The following OLFML2A variants were observed in gnomAD, a reference collection of about 807,000 sequenced individuals.
OLFML2A encodes olfactomedin like 2A.
A neutral mutation model predicts 60.9 loss-of-function variants in OLFML2A; 47 were observed. That is an observed-to-expected ratio of 0.77 (90% CI 0.61 to 0.98). OLFML2A has a LOEUF of 0.98. OLFML2A is among the 50% of genes least tolerant of loss of function. The pLI, the probability that OLFML2A is intolerant of heterozygous loss-of-function variation, is 0.00. For synonymous variants in OLFML2A, 372 were observed against 375.0 expected (o/e 0.99, Z 0.09); for missense variants, 922 against 879.8 (o/e 1.05, Z -0.61).
Position 124,804,702 on chromosome 9 carries a change from C to T in OLFML2A, c.1168+360C>T, listed in dbSNP as rs573176242. 7.0e-4 allele frequency among the ~76,000 whole-genome samples: 106 copies of T among 151,444 alleles called. 1 individual carries two copies. The highest frequency in any genetic ancestry group is 2.3e-3 in the African/African-American group (95 of 41,306). On this transcript the variant is annotated intron_variant, in intron 6 of 7. Coordinates refer to ENST00000373580, the MANE Select transcript of OLFML2A (RefSeq NM_182487.4). ...TTGTGCCACTGCACTCCAGCCTGGGCGAAAGAAATTTTTTTTTTTTCTTTT... is the reference window on the plus strand; with the variant it reads ...TTGTGCCACTGCACTCCAGCCTGGGTGAAAGAAATTTTTTTTTTTTCTTTT...
chr9:124,804,048 C>T, intron 5 of OLFML2A, 46 bp from the exon 6 acceptor site: 1 of 1,598,420 alleles, frequency 6.3e-7, no homozygotes. Flanking sequence ...ACCCACACGG[C>T]AGCAGGTGGT....
intron 4 of OLFML2A, among the ~76,000 whole-genome samples, chr9:124,800,328 TGAA>T (rs1225592290): frequency 3.3e-5 from 5 of 152,220 alleles, no homozygotes; most frequent in African/African-American, 1.2e-4. Context: ...GGTGAGTGGC[TGAA>T]GAAGGGAGCT....
rs542998592 is a variant in OLFML2A, at chr9:124,801,228, T to C, written c.670-186T>C. On this transcript the variant is annotated intron_variant, in intron 4 of 7. Coordinates refer to ENST00000373580, the MANE Select transcript of OLFML2A (RefSeq NM_182487.4). Reference sequence around the variant, plus strand: ...GAGCTAAAGAGCTGGGTGAGGAAACTGAGGCAAACCAGTCATGGATGTAGC... The same window carrying C: ...GAGCTAAAGAGCTGGGTGAGGAAACCGAGGCAAACCAGTCATGGATGTAGC... Among the ~76,000 whole-genome samples the C allele has an allele frequency of 5.3e-5, 8 of 152,236 alleles. No individual in the cohort carries two copies. The South Asian group carries it at 1.7e-3, about 32-fold the overall frequency.
chr9:124,781,125 G>A (rs1841354267), intron 1 of OLFML2A, among the ~76,000 whole-genome samples: 1 of 152,194 alleles, frequency 6.6e-6, no homozygotes, highest in Non-Finnish European at 1.5e-5. Flanking sequence ...AGGAGCTTTT[G>A]GGAGATTCAT....
chr9:124,791,713 G>A (rs1841570477), intron 2 of OLFML2A, among the ~76,000 whole-genome samples: 1 of 143,340 alleles, frequency 7.0e-6, no homozygotes. Context: ...ACTCCAGCCT[G>A]GGCGACAGAG....
At chr9:124,804,639 G>A (rs369487996) in intron 6 of OLFML2A, among the ~76,000 whole-genome samples, 11 of 151,500 alleles carry the variant, frequency 7.3e-5, no homozygotes, top group South Asian at 4.2e-4. Flanking sequence ...CAGGAGACTC[G>A]CTTGAACCCA....
At chr9:124,790,537 G>A (rs1472793868) in intron 2 of OLFML2A, among the ~76,000 whole-genome samples, 2 of 152,172 alleles carry the variant, frequency 1.3e-5, no homozygotes, top group Non-Finnish European at 2.9e-5. Context: ...CACCTTCTCA[G>A]CCAGGAGCCC....
chr9:124,804,049 A>G (rs780427990), intron 5 of OLFML2A, 45 bp from the exon 6 acceptor site: 2 of 1,600,384 alleles, frequency 1.2e-6, no homozygotes, highest in Admixed American at 3.4e-5. Flanking sequence ...CCCACACGGC[A>G]GCAGGTGGTG....
At chr9:124,786,940 C>A (rs749776429) in intron 1 of OLFML2A, 35 bp from the exon 2 acceptor site, 3 of 1,586,002 alleles carry the variant, frequency 1.9e-6, no homozygotes, top group Non-Finnish European at 2.6e-6. Context: ...TGCCTAGCAG[C>A]AACTCACTGG....
intron 2 of OLFML2A, among the ~76,000 whole-genome samples, chr9:124,789,945 A>C (rs1205843109): frequency 6.6e-6 from 1 of 152,206 alleles, no homozygotes; most frequent in Non-Finnish European, 1.5e-5. Flanking sequence ...AACAAACCCA[A>C]TTTCTGCTCA....
Position 124,811,805 on chromosome 9 carries a change from T to C in OLFML2A, c.*1393T>C, listed in dbSNP as rs1366117703. ...CCCTCTTCTGCTTTTTTAGACAGTATTTTTAGAGCTGGAAAGAAATTTTCT... is the reference window on the plus strand; with the variant it reads ...CCCTCTTCTGCTTTTTTAGACAGTACTTTTAGAGCTGGAAAGAAATTTTCT... On this transcript the variant is annotated 3_prime_UTR_variant, in exon 8 of 8. Coordinates refer to ENST00000373580, the MANE Select transcript of OLFML2A (RefSeq NM_182487.4). 6.6e-6 allele frequency: 1 copy of C among 152,182 alleles called. No individual in the cohort carries two copies. The highest frequency in any genetic ancestry group is 1.5e-5 in the Non-Finnish European group (1 of 68,036). The allele number at this position is 152,182 out of a possible 1,614,324, so 9.4% of individuals were successfully genotyped here.
chr9:124,788,421 C>T (rs377590921), intron 2 of OLFML2A, among the ~76,000 whole-genome samples: 32 of 152,072 alleles, frequency 2.1e-4, no homozygotes, highest in Admixed American at 1.4e-3. Flanking sequence ...CCCTGGCCAA[C>T]GTGGTGAAAC....
rs1482010300 is a variant in OLFML2A at position 124,810,220 on chromosome 9, C to G, written c.1767C>G (p.Asp589Glu). 2.5e-6 allele frequency: 4 copies of G among 1,613,612 alleles called. No homozygotes were observed. Among genetic ancestry groups the G allele is most frequent in the Non-Finnish European group, 3.4e-6 (4 of 1,180,004 alleles). Residue 589 changes from aspartate to glutamate, a missense_variant, in exon 8 of 8, where the codon GAC becomes GAG. Transcript: ENST00000373580. ...TGTGCGGCATCCTGTATGCCGTGGA[C>G]ACGTACAACCAGCAGGAAGGCCAGG... ...FLVCGILYAV[D>E]TYNQQEGQVA...
In OLFML2A at chr9:124,777,649, G is replaced by A. The variant is rs2131232908; in HGVS notation, c.90+289G>A. Among the ~76,000 whole-genome samples the A allele has an allele frequency of 6.6e-6, 1 of 152,318 alleles. No homozygotes were observed. ...GGAGGGGTCGGGGGATTTCCCCGGA[G>A]TGCTGGCCAGACTCGGGGTTCGTAG... On this transcript the variant is annotated intron_variant, in intron 1 of 7. Transcript: ENST00000373580. This position sits in a 1 kb window ranked among gnomAD's most constrained non-coding sequence, Gnocchi z 6.2.
At chr9:124,805,051 A>G (rs979215983) in intron 6 of OLFML2A, among the ~76,000 whole-genome samples, 7 of 152,200 alleles carry the variant, frequency 4.6e-5, no homozygotes, top group African/African-American at 7.2e-5. Flanking sequence ...CTAGAATGCC[A>G]TCATCAAATC....
intron 2 of OLFML2A, among the ~76,000 whole-genome samples, chr9:124,790,508 C>A (rs1163752340): frequency 6.6e-6 from 1 of 152,130 alleles, no homozygotes; most frequent in African/African-American, 2.4e-5. Context: ...GTCCCCTGCC[C>A]ACTGAAGAAT....
In OLFML2A at chr9:124,777,380, C is replaced by A. The variant is rs1276167657; in HGVS notation, c.90+20C>A. 1.6e-6 allele frequency: 2 copies of A among 1,239,208 alleles called. No homozygotes were observed. The highest frequency in any genetic ancestry group is 3.3e-5 in the South Asian group (1 of 30,078). 76.8% of individuals were successfully genotyped at this position (1,239,208 alleles called of 1,614,324 possible). ...AGTAAGGTACGCACGCCCCTCGGACCCGCGCGGCTCGGCGGGTAGCGGGGC... is the reference window on the plus strand; with the variant it reads ...AGTAAGGTACGCACGCCCCTCGGACACGCGCGGCTCGGCGGGTAGCGGGGC... On this transcript the variant is annotated intron_variant, in intron 1 of 7. Coordinates refer to ENST00000373580, the MANE Select transcript of OLFML2A (RefSeq NM_182487.4). This position sits in a 1 kb window ranked among gnomAD's most constrained non-coding sequence, Gnocchi z 6.2.
At chr9:124,809,667 T>C in intron 7 of OLFML2A, 141 bp from the exon 8 acceptor site, 2 of 908,900 alleles carry the variant, frequency 2.2e-6, no homozygotes, top group Non-Finnish European at 3.3e-6. Context: ...CATAATAAGA[T>C]GTCATCCCAG....
intron 2 of OLFML2A, among the ~76,000 whole-genome samples, chr9:124,789,004 T>C (rs142394149): frequency 0.015 from 2,309 of 152,190 alleles, 50 homozygotes; most frequent in African/African-American, 0.053. Flanking sequence ...GCAAACACAG[T>C]TCACTGCAGC....
Sources: allele counts gnomAD v4.1 joint callset (sites outside exome capture counted in the v4.1 genomes callset), GRCh38; gene constraint gnomAD v4.1.1; non-coding constraint Gnocchi (gnomAD v3.1); transcripts MANE v1.5; gene names NCBI Gene and HGNC (gene_info 2026-07-23, HGNC 2026-07-21).